The following PXDN variants were observed in gnomAD, a reference collection of about 807,000 sequenced individuals.
PXDN encodes the protein peroxidasin.
Under a neutral mutation model 140.3 loss-of-function variants are expected in PXDN, and 77 were observed. That is an observed-to-expected ratio of 0.55 (90% CI 0.46 to 0.66). The LOEUF is 0.66. PXDN is among the 30% of genes least tolerant of loss of function. The pLI, the probability that PXDN is intolerant of heterozygous loss-of-function variation, is 0.00. For synonymous variants in PXDN, 911 were observed against 857.4 expected, an observed-to-expected ratio of 1.06 and a Z score of -1.09; for missense variants, 1,838 against 2,039.5, an observed-to-expected ratio of 0.90 and a Z score of 1.90.
intron 19 of PXDN, among the ~76,000 whole-genome samples, chr2:1,640,298 G>A (rs1035378622): frequency 6.6e-6 from 1 of 152,240 alleles, no homozygotes; most frequent in Non-Finnish European, 1.5e-5. Flanking sequence ...GGCAGAGCAC[G>A]AAAGTGAAGG....
At chr2:1,712,510 C>T (rs1684806853) in intron 1 of PXDN, among the ~76,000 whole-genome samples, 1 of 152,136 alleles carries the variant, frequency 6.6e-6, no homozygotes, top group African/African-American at 2.4e-5. Flanking sequence ...TGTCAGATCA[C>T]ATAACCAACA....
chr2:1,635,714 G>A (rs1182688940), intron 21 of PXDN, 193 bp from the exon 22 acceptor site: 7 of 594,770 alleles, frequency 1.2e-5, no homozygotes, highest in Admixed American at 2.5e-5. Flanking sequence ...ACGCCCCAAT[G>A]GAAGACATTC....
chr2:1,663,454 G>C (rs969028413), intron 12 of PXDN, 151 bp downstream of exon 12: 1 of 1,055,578 alleles, frequency 9.5e-7, no homozygotes, highest in Non-Finnish European at 1.4e-6. Flanking sequence ...AGACACCCTG[G>C]GGGCACAAGC....
At chr2:1,667,823 A>T (rs1383882829) in intron 9 of PXDN, among the ~76,000 whole-genome samples, 2 of 152,204 alleles carry the variant, frequency 1.3e-5, no homozygotes, top group East Asian at 3.8e-4. Context: ...AAATGGAAAA[A>T]CATTCCGTGC....
At chr2:1,695,139 G>A (rs1195669457) in intron 1 of PXDN, among the ~76,000 whole-genome samples, 3 of 152,222 alleles carry the variant, frequency 2.0e-5, no homozygotes, top group Non-Finnish European at 4.4e-5. Flanking sequence ...GCAACAGCGT[G>A]GAAGCTGGAA....
intron 1 of PXDN, among the ~76,000 whole-genome samples, chr2:1,708,930 G>C (rs1442693990): frequency 6.6e-6 from 1 of 152,136 alleles, no homozygotes; most frequent in African/African-American, 2.4e-5. Context: ...CAGAATGCTG[G>C]CTCCAAAACA....
At chr2:1,733,050 G>A (rs934531442) in intron 1 of PXDN, among the ~76,000 whole-genome samples, 1 of 152,110 alleles carries the variant, frequency 6.6e-6, no homozygotes, top group African/African-American at 2.4e-5. Context: ...GAAACACATA[G>A]AGAAAAAGGC....
chr2:1,737,596 G>A (rs958393238), intron 1 of PXDN, among the ~76,000 whole-genome samples: 7 of 151,464 alleles, frequency 4.6e-5, no homozygotes, highest in African/African-American at 1.7e-4. Context: ...CTGGAGTTCA[G>A]TGGCACGATC....
rs973272659 is a variant in PXDN at position 1,649,851 on chromosome 2, A to G, written c.2105-176T>C. 1.3e-5 allele frequency among the ~76,000 whole-genome samples: 2 copies of G among 152,146 alleles called. No individual in the cohort carries two copies. The highest frequency in any genetic ancestry group is 4.8e-5 in the African/African-American group (2 of 41,428). ...GAAACCTGCTCACCTCCTGTTTGGT[A>G]AAACTGCTCCTCCCCTCCTCCAGCC... On this transcript the variant is annotated intron_variant, in intron 16 of 22. Coordinates refer to ENST00000252804, the MANE Select transcript of PXDN (RefSeq NM_012293.3). The surrounding 1 kb of genome is among the most constrained non-coding windows in gnomAD (Gnocchi z 7.1).
In PXDN at chr2:1,682,944, A is replaced by G. The variant is rs116354824; in HGVS notation, c.560+712T>C. 4.1e-3 allele frequency among the ~76,000 whole-genome samples: 627 copies of G among 152,320 alleles called. 3 individuals are homozygous for G. Among genetic ancestry groups the G allele is most frequent in the African/African-American group, 0.014 (592 of 41,566 alleles). Reference sequence around the variant, plus strand: ...ACAAGAACAAAACTCTGTCTCAAAAAAAAGGGTAAAGATCAGCCTCCTTAG... The same window carrying G: ...ACAAGAACAAAACTCTGTCTCAAAAGAAAGGGTAAAGATCAGCCTCCTTAG... On this transcript the variant is annotated intron_variant, in intron 6 of 22. Transcript: ENST00000252804.
chr2:1,734,794 G>A (rs1275466515), intron 1 of PXDN, among the ~76,000 whole-genome samples: 1 of 152,194 alleles, frequency 6.6e-6, no homozygotes, highest in African/African-American at 2.4e-5. Flanking sequence ...TTGAACCTGG[G>A]AGGCGGAGGT....
intron 6 of PXDN, among the ~76,000 whole-genome samples, chr2:1,681,726 C>T (rs1479760493): frequency 2.6e-5 from 4 of 151,814 alleles, no homozygotes; most frequent in African/African-American, 9.7e-5. Flanking sequence ...GTGTCAGCCA[C>T]GTGCCCAGGG....
intron 1 of PXDN, among the ~76,000 whole-genome samples, chr2:1,721,129 C>T (rs1046545377): frequency 6.6e-6 from 1 of 152,186 alleles, no homozygotes; most frequent in African/African-American, 2.4e-5. Flanking sequence ...CAGAAACATC[C>T]AGAATAATGT....
chr2:1,652,166 C>A (rs1182590120), intron 16 of PXDN, among the ~76,000 whole-genome samples: 2 of 152,204 alleles, frequency 1.3e-5, no homozygotes, highest in African/African-American at 4.8e-5. Context: ...CTTCCAACAG[C>A]CTGCCTTTGA....
At chr2:1,658,972 G>A (rs946952966) in intron 14 of PXDN, among the ~76,000 whole-genome samples, 1 of 152,150 alleles carries the variant, frequency 6.6e-6, no homozygotes. Context: ...TCATCTCACT[G>A]CTTCTTACTC....
At chr2:1,670,816 C>T (rs1683555486) in intron 9 of PXDN, among the ~76,000 whole-genome samples, 1 of 152,192 alleles carries the variant, frequency 6.6e-6, no homozygotes, top group Admixed American at 6.5e-5. Flanking sequence ...GTGCTGTGCC[C>T]TCGGCATGAG....
chr2:1,681,553 G>A (rs1185661976), intron 6 of PXDN, among the ~76,000 whole-genome samples: 2 of 151,976 alleles, frequency 1.3e-5, no homozygotes, highest in East Asian at 3.9e-4. Context: ...AGGGGCCGAC[G>A]CTGGCTCCAG....
At chr2:1,740,243 G>A (rs1685509860) in intron 1 of PXDN, among the ~76,000 whole-genome samples, 1 of 152,174 alleles carries the variant, frequency 6.6e-6, no homozygotes, top group East Asian at 1.9e-4. Context: ...CCAGCCAGCC[G>A]GCTCCCTGAG....
chr2:1,722,233 C>T (rs193198197), intron 1 of PXDN, among the ~76,000 whole-genome samples: 87 of 152,276 alleles, frequency 5.7e-4, no homozygotes, highest in Non-Finnish European at 9.9e-4. Context: ...AAGCTCTCCA[C>T]GTGGACGTCT....
Sources: allele counts gnomAD v4.1 joint callset (sites outside exome capture counted in the v4.1 genomes callset), GRCh38; gene constraint gnomAD v4.1.1; non-coding constraint Gnocchi (gnomAD v3.1); transcripts MANE v1.5; gene names NCBI Gene and HGNC (gene_info 2026-07-23, HGNC 2026-07-21).